Variants in ARHGAP40 observed in about 807,000 individuals in gnomAD.
ARHGAP40 encodes the protein rho GTPase-activating protein 40.
Under a neutral mutation model 73.5 loss-of-function variants are expected in ARHGAP40, and 43 were observed. The ratio of observed to expected loss-of-function variants is 0.58; its 90% confidence interval spans 0.46 to 0.75. The LOEUF (loss-of-function observed/expected upper bound fraction) is 0.75. Ranked by LOEUF, ARHGAP40 falls within the 30% of genes least tolerant of loss-of-function variation. The pLI is 0.00. For synonymous variants in ARHGAP40, 300 were observed against 352.8 expected (o/e 0.85, Z 1.68); for missense variants, 734 against 861.8 (o/e 0.85, Z 1.86).
Position 38,646,175 on chromosome 20 carries a change from C to T in ARHGAP40, c.1698C>T (p.Asp566=), listed in dbSNP as rs759836345. 9.2e-6 allele frequency: 12 copies of T among 1,302,400 alleles called. No individual in the cohort carries two copies. The highest frequency in any genetic ancestry group is 1.5e-5 in the African/African-American group (1 of 65,970). 80.7% of individuals were successfully genotyped at this position (1,302,400 alleles called of 1,614,324 possible). Residue 566 remains aspartate (D), a synonymous_variant, in exon 12 of 15, where the codon GAC becomes GAT. Transcript: ENST00000373345. The surrounding 1 kb of genome is among the most constrained non-coding windows in gnomAD (Gnocchi z 4.5). Reference sequence around the variant, plus strand: ...ACGCAGACAGGGACAAGGCGGGGGACGGCCTCGAGGCGGTGAGTGCCCCCG... The same window carrying T: ...ACGCAGACAGGGACAAGGCGGGGGATGGCCTCGAGGCGGTGAGTGCCCCCG...
Position 38,629,487 on chromosome 20 carries a change from T to TC in ARHGAP40, c.635-10dup. 4.6e-6 allele frequency: 6 copies of TC among 1,305,116 alleles called. No homozygotes were observed. The highest frequency in any genetic ancestry group is 6.1e-6 in the Non-Finnish European group (6 of 988,850). 80.8% of individuals were successfully genotyped at this position (1,305,116 alleles called of 1,614,324 possible). On this transcript the variant is annotated splice_polypyrimidine_tract_variant and intron_variant, in intron 4 of 14. Coordinates refer to ENST00000373345, the Ensembl canonical transcript of ARHGAP40. ...TCTCACTGCCTTTCTCTGCTTTGTT[T>TC]CCCCCGCCCCGCAGCAGCAGAGCCT...
chr20:38,647,379 GGTTT>G (rs952400098), intron 13 of ARHGAP40, among the ~76,000 whole-genome samples: 58 of 36,046 alleles, frequency 1.6e-3, no homozygotes, highest in Middle Eastern at 0.019. Flanking sequence ...TTTTTCTGTT[GGTTT>G]GTTTGTTTGT....
chr20:38,641,066 A>G (rs2089015301), intron 9 of ARHGAP40, among the ~76,000 whole-genome samples: 1 of 145,742 alleles, frequency 6.9e-6, no homozygotes, highest in Admixed American at 6.8e-5. Context: ...AAGTGAGAGA[A>G]GGAAAGAAGG....
At chr20:38,607,741 C>T (rs1354651870) in intron 1 of ARHGAP40, among the ~76,000 whole-genome samples, 2 of 152,154 alleles carry the variant, frequency 1.3e-5, no homozygotes, top group African/African-American at 2.4e-5. Flanking sequence ...GGTCTTTTCT[C>T]GATACTTGCC....
chr20:38,603,596 GTCTC>G (rs758561333), intron 1 of ARHGAP40, among the ~76,000 whole-genome samples: 2,386 of 149,608 alleles, frequency 0.016, 70 homozygotes, highest in African/African-American at 0.056. Context: ...CTCTCTCTCT[GTCTC>G]TCTCTCTCAT....
intron 1 of ARHGAP40, among the ~76,000 whole-genome samples, chr20:38,604,695 A>G (rs930531814): frequency 6.6e-6 from 1 of 152,182 alleles, no homozygotes; most frequent in African/African-American, 2.4e-5. Flanking sequence ...CGCCTGGCCC[A>G]GAACAGTGGT....
Position 38,643,906 on chromosome 20 carries a change from G to A in ARHGAP40, c.1565G>A (p.Trp522Ter). Reference sequence around the variant, plus strand: ...ATGGTGCACTACCAGGATCTGCTGTGGACGGTGAGTGCTGCTGGGCGCTGG... The same window carrying A: ...ATGGTGCACTACCAGGATCTGCTGTAGACGGTGAGTGCTGCTGGGCGCTGG... Residue 522 changes from tryptophan (W) to a stop codon, truncating the protein, a stop_gained, in exon 11 of 15, where the codon TGG becomes TAG. Transcript: ENST00000373345. LOFTEE classifies it high-confidence loss of function. The A allele has an allele frequency of 7.7e-7, 1 of 1,298,560 alleles. No individual in the cohort carries two copies. The highest frequency in any genetic ancestry group is 1.2e-5 in the South Asian group (1 of 80,324). 80.4% of individuals were successfully genotyped at this position (1,298,560 alleles called of 1,614,324 possible).
At chr20:38,615,348 C>A (rs1427916452) in intron 1 of ARHGAP40, 10 of 765,972 alleles carry the variant, frequency 1.3e-5, no homozygotes, top group Non-Finnish European at 2.2e-5. Context: ...GGGGGTACTT[C>A]CACTGGTAAA....
At chr20:38,627,353 T>G (rs1211695319) in intron 3 of ARHGAP40, 138 bp downstream of exon 3, 2 of 671,876 alleles carry the variant, frequency 3.0e-6, no homozygotes, top group African/African-American at 4.8e-5. Context: ...GGTGTTGGTA[T>G]GTGTGTTGGT....
chr20:38,632,183 C>T (rs1360045856), intron 5 of ARHGAP40, among the ~76,000 whole-genome samples: 10 of 151,874 alleles, frequency 6.6e-5, no homozygotes, highest in East Asian at 1.9e-4. Context: ...AGGCTGGTCT[C>T]GAACTCCTGA....
At chr20:38,638,926 C>T in intron 8 of ARHGAP40, 88 bp downstream of exon 8, 1 of 1,157,628 alleles carries the variant, frequency 8.6e-7, no homozygotes, top group Middle Eastern at 3.1e-4. Flanking sequence ...CAGTCCCTGA[C>T]TCGCCAGTGA....
chr20:38,616,092 G>A (rs762303995), intron 1 of ARHGAP40, among the ~76,000 whole-genome samples: 18 of 152,164 alleles, frequency 1.2e-4, no homozygotes, highest in Non-Finnish European at 2.2e-4. Context: ...CACCACCCAG[G>A]CACATTGCAT....
chr20:38,644,077 CAAG>C (rs1054190838), intron 11 of ARHGAP40, among the ~76,000 whole-genome samples, 167 bp downstream of exon 11: 12 of 152,282 alleles, frequency 7.9e-5, no homozygotes, highest in African/African-American at 2.2e-4. Context: ...CCTTAGTAAC[CAAG>C]AAGAAGTGTC....
In ARHGAP40 at chr20:38,648,745, G is replaced by A. The variant is rs1486658626; in HGVS notation, c.1936+47G>A. 3.1e-6 allele frequency: 4 copies of A among 1,294,958 alleles called. No individual in the cohort carries two copies. The South Asian group carries it at 5.0e-5, about 16-fold the overall frequency. The allele number at this position is 1,294,958 out of a possible 1,614,324, so 80.2% of individuals were successfully genotyped here. On this transcript the variant is annotated intron_variant, in intron 14 of 14. Transcript: ENST00000373345. ...AGGAACAGAGCCCGGGTCCCTGGGA[G>A]TTCTTCGACCTCAAAGGCTCACTGG...
chr20:38,636,821 C>G (rs1378519799), intron 6 of ARHGAP40, among the ~76,000 whole-genome samples: 2 of 152,004 alleles, frequency 1.3e-5, no homozygotes, highest in African/African-American at 4.8e-5. Flanking sequence ...CAACATTATG[C>G]ATTGTGATTT....
chr20:38,631,274 G>C, intron 5 of ARHGAP40, among the ~76,000 whole-genome samples: 1 of 143,320 alleles, frequency 7.0e-6, no homozygotes, highest in East Asian at 2.0e-4. Context: ...TTGCACCACT[G>C]CTCTCCAGCC....
chr20:38,627,038 G>A lies in ARHGAP40; in HGVS notation c.381G>A (p.Ser127=), dbSNP rs558014643. The change falls in exon 3 of 15, where the codon TCG becomes TCA. Residue 127 remains serine, a synonymous_variant. Transcript: ENST00000373345. The stretch of plus-strand genomic sequence containing the variant: ...AGTGGCTGCAGGACACAGGCCTGTC[G>A]GGCCTCCTTGGTGGCCTGGGCTTGG... 1.9e-3 allele frequency: 2,539 copies of A among 1,305,068 alleles called. 2 individuals carry two copies. The highest frequency in any genetic ancestry group is 2.4e-3 in the Non-Finnish European group (2,339 of 988,954). The allele number at this position is 1,305,068 out of a possible 1,614,324, so 80.8% of individuals were successfully genotyped here.
chr20:38,632,462 C>T (rs930908662), intron 5 of ARHGAP40, among the ~76,000 whole-genome samples: 2 of 151,716 alleles, frequency 1.3e-5, no homozygotes, highest in African/African-American at 4.8e-5. Context: ...GGGGTTTCAC[C>T]GTGTTAGCCA....
exon 5 of ARHGAP40, chr20:38,629,640 G>A (rs781280427): frequency 5.4e-6 from 7 of 1,305,402 alleles, no homozygotes; most frequent in South Asian, 4.9e-5. Flanking sequence ...TGGGGCAAGT[G>A]TTCCCTGCCG....
Sources: gnomAD v4.1 joint callset for allele counts (sites outside exome capture counted in the v4.1 genomes callset) on GRCh38, gnomAD v4.1.1 for gene constraint, Gnocchi (gnomAD v3.1) non-coding constraint, MANE v1.5 for transcripts, NCBI Gene and HGNC (gene_info 2026-07-23, HGNC 2026-07-21) for gene names.